QPCT: variants seen among roughly 807,000 people sequenced by gnomAD.
QPCT encodes EC.
QPCT carries 44 observed loss-of-function variants against 43.4 expected under a neutral mutation model. The observed-to-expected ratio is 1.01, with a 90% CI of 0.80 to 1.30. The LOEUF (loss-of-function observed/expected upper bound fraction) is 1.30. Ranked by LOEUF, QPCT falls within the 50% of genes most tolerant of loss-of-function variation. The probability of loss-of-function intolerance (pLI) is 0.00; values close to 1 mark genes in which losing one functional copy is unlikely to be tolerated. For missense variants in QPCT, 526 were observed against 436.5 expected, an observed-to-expected ratio of 1.21 and a Z score of -1.83; for synonymous variants, 168 against 168.4, an observed-to-expected ratio of 1.00 and a Z score of 0.02.
intron 2 of QPCT, among the ~76,000 whole-genome samples, chr2:37,353,919 C>A (rs1219896238): frequency 6.6e-6 from 1 of 152,196 alleles, no homozygotes; most frequent in Non-Finnish European, 1.5e-5. Flanking sequence ...GGCTGGAGTG[C>A]AGTGGCGCGA....
chr2:37,349,561 G>C (rs1209541665), intron 1 of QPCT, among the ~76,000 whole-genome samples: 1 of 152,220 alleles, frequency 6.6e-6, no homozygotes, highest in African/African-American at 2.4e-5. Flanking sequence ...ACAGTGACCA[G>C]ATGGGCTTTG....
At chr2:37,372,156 C>G (rs112325187) in intron 5 of QPCT, among the ~76,000 whole-genome samples, 200 bp from the exon 6 acceptor site, 3 of 152,298 alleles carry the variant, frequency 2.0e-5, no homozygotes, top group African/African-American at 7.2e-5. Context: ...TGACTCTTCT[C>G]TCTTCCTGCT....
chr2:37,369,748 A>G lies in QPCT; in HGVS notation c.787A>G (p.Asn263Asp), dbSNP rs780818255. ...CCCAACGTTTCCCAATTTTTTTCCA[A>G]ACTCAGCCAGGTGGTTCGAAAGACT... is the stretch of plus-strand genomic sequence containing the variant. ...PNPTFPNFFPNSARWFERLQA... is the reference protein window; with the variant it reads ...PNPTFPNFFPDSARWFERLQA... The change falls in exon 5 of 7, where the codon AAC becomes GAC. Residue 263 changes from asparagine to aspartate, a missense_variant. Transcript: ENST00000338415. The G allele has an allele frequency of 1.2e-6, 2 of 1,606,802 alleles. No homozygotes were observed. The highest frequency in any genetic ancestry group is 1.7e-6 in the Non-Finnish European group (2 of 1,173,320).
intron 1 of QPCT, among the ~76,000 whole-genome samples, chr2:37,347,309 T>C (rs748953977): frequency 2.8e-5 from 4 of 144,918 alleles, no homozygotes; most frequent in African/African-American, 7.8e-5. Context: ...GGAAGGTACA[T>C]TCATCCTCAA....
intron 2 of QPCT, among the ~76,000 whole-genome samples, chr2:37,353,676 A>G (rs1672671399): frequency 6.6e-6 from 1 of 152,116 alleles, no homozygotes; most frequent in East Asian, 1.9e-4. Flanking sequence ...CCCTGATGTC[A>G]GTCTTCCTAA....
intron 1 of QPCT, 79 bp downstream of exon 1, chr2:37,344,930 T>G: frequency 6.9e-7 from 1 of 1,455,828 alleles, no homozygotes; most frequent in Non-Finnish European, 9.0e-7. Context: ...CAGCCCTACC[T>G]AGGCAGAGCG....
chr2:37,363,750 G>A (rs1672901873), intron 3 of QPCT, among the ~76,000 whole-genome samples: 1 of 150,726 alleles, frequency 6.6e-6, no homozygotes, highest in Admixed American at 6.6e-5. Context: ...TGACTTAAAG[G>A]ACACTGTTCT....
At chr2:37,352,495 C>A (rs1372794707) in intron 1 of QPCT, among the ~76,000 whole-genome samples, 1 of 152,036 alleles carries the variant, frequency 6.6e-6, no homozygotes, top group Admixed American at 6.6e-5. Context: ...CCACGCCCAT[C>A]TAATTTTTTC....
intron 2 of QPCT, among the ~76,000 whole-genome samples, chr2:37,353,881 C>A (rs763898097): frequency 6.6e-6 from 1 of 152,126 alleles, no homozygotes; most frequent in Admixed American, 6.5e-5. Flanking sequence ...CTCTTCCTTT[C>A]GATTTCAGAG....
At position 37,347,193 on chromosome 2, in the gene QPCT, AC is replaced by A. The variant is rs1418744945; in HGVS notation, c.120+2343del. Among the ~76,000 whole-genome samples the A allele has an allele frequency of 9.8e-4, 55 of 56,062 alleles. 4 individuals are homozygous for A. The highest frequency in any genetic ancestry group is 1.2e-3 in the Admixed American group (5 of 4,098). 36.8% of individuals were successfully genotyped at this position (56,062 alleles called of 152,430 possible). A position where few individuals can be genotyped will look rare whatever the true frequency, so the allele number is the denominator to read the frequency against. ...TATATATATATAACATATATATATA[AC>A]ATATATATATAACATATATATAACA... On this transcript the variant is annotated intron_variant, in intron 1 of 6. Transcript: ENST00000338415.
chr2:37,359,831 C>G lies in QPCT; in HGVS notation c.519C>G (p.Ala173=), dbSNP rs1157597929. 3 of 1,614,174 alleles carry G rather than the reference C, an allele frequency of 1.9e-6. No individual in the cohort carries two copies. Among genetic ancestry groups the G allele is most frequent in the Admixed American group, 3.3e-5 (2 of 60,024 alleles). Residue 173 remains alanine (A), a synonymous_variant, in exon 3 of 7, where the codon GCC becomes GCG. Coordinates refer to ENST00000338415, the MANE Select transcript of QPCT (RefSeq NM_012413.4). ...PCAMMLELAR[A]LDKKLLSLKT... ...CAATGATGTTGGAACTTGCTCGTGC[C>G]TTAGACAAGAAACTCCTTTCCTTAA...
In QPCT at chr2:37,372,338, T is replaced by A. The variant is rs769079122; in HGVS notation, c.824-18T>A. ...GATAAAAATAGTTGTTCATTTACTG[T>A]ATAATTGTCATCTACAGAACATGAA... On this transcript the variant is annotated intron_variant, in intron 5 of 6. Coordinates refer to ENST00000338415, the MANE Select transcript of QPCT (RefSeq NM_012413.4). 1.4e-5 allele frequency: 21 copies of A among 1,518,880 alleles called. No homozygotes were observed. Among genetic ancestry groups the A allele is most frequent in the Non-Finnish European group, 1.7e-5 (19 of 1,093,378 alleles). The allele number at this position is 1,518,880 out of a possible 1,614,324, so 94.1% of individuals were successfully genotyped here.
At chr2:37,353,978 C>T (rs1672680984) in intron 2 of QPCT, among the ~76,000 whole-genome samples, 1 of 152,248 alleles carries the variant, frequency 6.6e-6, no homozygotes, top group Non-Finnish European at 1.5e-5. Flanking sequence ...TATTCTCCTG[C>T]CTCAGCCTCC....
At chr2:37,361,981 A>G (rs528439373) in intron 3 of QPCT, among the ~76,000 whole-genome samples, 1 of 152,242 alleles carries the variant, frequency 6.6e-6, no homozygotes, top group South Asian at 2.1e-4. Context: ...TTTTTCTGCC[A>G]TTCCTGAAAT....
chr2:37,352,793 A>G lies in QPCT; in HGVS notation c.125A>G (p.Tyr42Cys). The change falls in exon 2 of 7, where the codon TAC becomes TGC. Residue 42 changes from tyrosine (Y) to cysteine (C), a missense_variant. Tyr to Cys is a radical substitution (Grantham distance 194). Coordinates refer to ENST00000338415, the MANE Select transcript of QPCT (RefSeq NM_012413.4). ...SASAWPEEKNYHQPAILNSSA... is the reference protein window; with the variant it reads ...SASAWPEEKNCHQPAILNSSA... ...ATGATTTCATTCAATCCTCAGAATTACCACCAGCCAGCCATTTTGAATTCA... is the reference window on the plus strand; with the variant it reads ...ATGATTTCATTCAATCCTCAGAATTGCCACCAGCCAGCCATTTTGAATTCA... The G allele has an allele frequency of 6.2e-7, 1 of 1,613,872 alleles. No homozygotes were observed. The highest frequency in any genetic ancestry group is 8.5e-7 in the Non-Finnish European group (1 of 1,179,730).
At chr2:37,356,541 C>T (rs562873811) in intron 2 of QPCT, among the ~76,000 whole-genome samples, 19 of 152,268 alleles carry the variant, frequency 1.2e-4, no homozygotes, top group Non-Finnish European at 7.3e-5. Context: ...TAGTAGTGGT[C>T]GTTTGGGGAG....
At chr2:37,360,008 T>TC in intron 3 of QPCT, 150 bp downstream of exon 3, 1 of 847,930 alleles carries the variant, frequency 1.2e-6, no homozygotes, top group Non-Finnish European at 1.8e-6. Flanking sequence ...TAAGATTGCA[T>TC]GATTGGGAAT....
rs1672440904 is a variant in QPCT, at chr2:37,344,701, G to T, written c.-31G>T. Reference sequence around the variant, plus strand: ...CCGGGCTCGTGACCGCCAGCGGCCCGGGGAACCCGCTCCCAGACAGACTCG... The same window carrying T: ...CCGGGCTCGTGACCGCCAGCGGCCCTGGGAACCCGCTCCCAGACAGACTCG... On this transcript the variant is annotated 5_prime_UTR_variant, in exon 1 of 7. Coordinates refer to ENST00000338415, the MANE Select transcript of QPCT (RefSeq NM_012413.4). 2.5e-6 allele frequency: 4 copies of T among 1,580,922 alleles called. No individual in the cohort carries two copies. The highest frequency in any genetic ancestry group is 1.7e-4 in the Middle Eastern group (1 of 5,934).
intron 3 of QPCT, among the ~76,000 whole-genome samples, chr2:37,363,531 T>C (rs1672896852): frequency 6.6e-6 from 1 of 150,868 alleles, no homozygotes; most frequent in Admixed American, 6.6e-5. Flanking sequence ...CTTGGGAGGC[T>C]GAGGCAGGAG....
Sources: gnomAD v4.1 joint callset for allele counts (sites outside exome capture counted in the v4.1 genomes callset) on GRCh38, gnomAD v4.1.1 for gene constraint, MANE v1.5 for transcripts, NCBI Gene and HGNC (gene_info 2026-07-23, HGNC 2026-07-21) for gene names.